Variants in PCDH18 observed in about 807,000 individuals in gnomAD.
PCDH18 encodes protocadherin 18, also known as protocadherin-18.
A neutral mutation model predicts 71.5 loss-of-function variants in PCDH18; 38 were observed. The ratio of observed to expected loss-of-function variants is 0.53; its 90% CI spans 0.41 to 0.70. The LOEUF (loss-of-function observed/expected upper bound fraction) is 0.70, where lower values mean the gene tolerates loss of function less well. Ranked by LOEUF, PCDH18 falls within the 30% of genes least tolerant of loss-of-function variation. The pLI, the probability that PCDH18 is intolerant of heterozygous loss-of-function variation, is 0.00. For missense variants in PCDH18, 1,334 were observed against 1,384.6 expected, an observed-to-expected ratio of 0.96 and a Z score of 0.58; for synonymous variants, 565 against 505.4, an observed-to-expected ratio of 1.12 and a Z score of -1.58.
intron 3 of PCDH18, 72 bp downstream of exon 3, chr4:137,528,406 G>C (rs1731540596): frequency 8.4e-7 from 1 of 1,188,648 alleles, no homozygotes; most frequent in South Asian, 1.4e-5. Context: ...ATATAAGCAT[G>C]AGAGAAATTT....
chr4:137,525,209 C>G (rs1731412343), intron 3 of PCDH18, among the ~76,000 whole-genome samples: 1 of 151,882 alleles, frequency 6.6e-6, no homozygotes, highest in South Asian at 2.1e-4. Context: ...AAACATGAGC[C>G]AACAGACAAA....
In PCDH18 at chr4:137,521,680, C is replaced by T. The variant is rs1731307317; in HGVS notation, c.2757G>A (p.Thr919=). ...GRIPAAMRLC[T]EECRVLGHSD... is the part of the protein sequence containing the mutation. ...AGTGTCCCAGGACCCTGCACTCCTC[C>T]GTGCAGAGTCTCATAGCTGCACTCA... is the stretch of plus-strand genomic sequence containing the variant. The change falls in exon 4 of 4, where the codon ACG becomes ACA. Residue 919 remains threonine (T), a synonymous_variant. Transcript: ENST00000344876. The T allele has an allele frequency of 4.4e-6, 7 of 1,603,100 alleles. No individual in the cohort carries two copies. Among genetic ancestry groups the T allele is most frequent in the Non-Finnish European group, 6.0e-6 (7 of 1,175,428 alleles).
Position 137,530,784 on chromosome 4 carries a change from T to A in PCDH18, c.1305A>T (p.Val435=), listed in dbSNP as rs768433717. Residue 435 remains valine, a synonymous_variant, in exon 1 of 4, where the codon GTA becomes GTT. Coordinates refer to ENST00000344876, the MANE Select transcript of PCDH18 (RefSeq NM_019035.5). ...REKRSEYSLT[V]IAEDRGTPSL... ...TGGGTGTCCCCCTGTCCTCAGCGAT[T>A]ACAGTCAAACTATACTCAGATCTCT... 6.2e-7 allele frequency: 1 copy of A among 1,612,426 alleles called. No individual in the cohort carries two copies. The highest frequency in any genetic ancestry group is 1.1e-5 in the South Asian group (1 of 91,058).
rs760575395 is a variant in PCDH18 at position 137,531,424 on chromosome 4, C to T, written c.665G>A (p.Gly222Glu). The stretch of plus-strand genomic sequence containing the variant: ...GGATGAGCCAGACCTCTGAGGTACT[C>T]CCATGTCTGAGGCAGTGAGCTGAAG... ...YELQLTASDM[G>E]VPQRSGSSIL... is the part of the protein sequence containing the mutation. Residue 222 changes from glycine to glutamate, a missense_variant, in exon 1 of 4, where the codon GGA becomes GAA. Physicochemically the swap from Gly to Glu is moderately conservative, Grantham distance 98. Around this residue, in one of 3 missense-constraint regions of PCDH18, gnomAD observed 1,011 missense variants for 1,048.0 expected, o/e 0.96. Transcript: ENST00000344876. The T allele has an allele frequency of 8.1e-6, 13 of 1,612,940 alleles. No individual in the cohort carries two copies. The South Asian group carries it at 1.1e-4, about 14-fold the overall frequency.
Position 137,531,232 on chromosome 4 carries a change from C to A in PCDH18, c.857G>T (p.Ser286Ile). Residue 286 changes from serine (S) to isoleucine (I), a missense_variant, in exon 1 of 4, where the codon AGC becomes ATC. Ser to Ile is a moderately radical substitution (Grantham distance 142). Around this residue, in one of 3 missense-constraint regions of PCDH18, gnomAD observed 1,011 missense variants for 1,048.0 expected, o/e 0.96. Transcript: ENST00000344876. ...CATAATTTTGGGAGACACATGACTGCTGAAGGAATATACAATTTTCCCATT... is the reference window on the plus strand; with the variant it reads ...CATAATTTTGGGAGACACATGACTGATGAAGGAATATACAATTTTCCCATT... ...GANGKIVYSF[S>I]SHVSPKIMET... 1 of 1,613,308 alleles carries A rather than the reference C, an allele frequency of 6.2e-7. No homozygotes were observed. The highest frequency in any genetic ancestry group is 8.5e-7 in the Non-Finnish European group (1 of 1,179,616).
At chr4:137,524,540 C>T (rs1731391276) in intron 3 of PCDH18, among the ~76,000 whole-genome samples, 1 of 151,998 alleles carries the variant, frequency 6.6e-6, no homozygotes, top group South Asian at 2.1e-4. Context: ...AAAGAGCCAC[C>T]TAAAACAAAC....
In PCDH18 at chr4:137,520,392, T is replaced by A. The variant is rs1731255691; in HGVS notation, c.*637A>T. The A allele has an allele frequency of 6.6e-6, 1 of 152,186 alleles. No individual in the cohort carries two copies. The highest frequency in any genetic ancestry group is 2.4e-5 in the African/African-American group (1 of 41,448). 9.4% of individuals were successfully genotyped at this position (152,186 alleles called of 1,614,324 possible). A position where few individuals can be genotyped will look rare whatever the true frequency, so the allele number is the denominator to read the frequency against. On this transcript the variant is annotated 3_prime_UTR_variant, in exon 4 of 4. Transcript: ENST00000344876. ...TTGACTTTAATTCTGTTTTCATCATTGTCTATAAAAAGTTCATTTGAGATA... is the reference window on the plus strand; with the variant it reads ...TTGACTTTAATTCTGTTTTCATCATAGTCTATAAAAAGTTCATTTGAGATA...
chr4:137,529,840 G>A lies in PCDH18; in HGVS notation c.2249C>T (p.Pro750Leu), dbSNP rs1731602095. Residue 750 changes from proline to leucine, a missense_variant, in exon 1 of 4, where the codon CCA (proline) becomes CTA (leucine). Pro to Leu is a moderately conservative substitution (Grantham distance 98). Coordinates refer to ENST00000344876, the MANE Select transcript of PCDH18 (RefSeq NM_019035.5). ...GTCCCCTTTGTGAATCTGCCGGGATGGCCTTTTTGGGTGGTGCTGGTAAGT... is the reference window on the plus strand; with the variant it reads ...GTCCCCTTTGTGAATCTGCCGGGATAGCCTTTTTGGGTGGTGCTGGTAAGT... ...ESTYQHHPKR[P>L]SRQIHKGDIT... 1 of 1,611,584 alleles carries A rather than the reference G, an allele frequency of 6.2e-7. No individual in the cohort carries two copies. The highest frequency in any genetic ancestry group is 8.5e-7 in the Non-Finnish European group (1 of 1,178,250).
At chr4:137,521,737 A>C (rs1007964823) in intron 3 of PCDH18, 41 bp from the exon 4 acceptor site, 3 of 1,447,630 alleles carry the variant, frequency 2.1e-6, no homozygotes, top group Non-Finnish European at 2.8e-6. Context: ...TATTATACTT[A>C]GCACGATTCA....
In PCDH18 at chr4:137,531,533, C is replaced by T. The variant is rs1731695748; in HGVS notation, c.556G>A (p.Val186Ile). 1 of 1,613,436 alleles carries T rather than the reference C, an allele frequency of 6.2e-7. No individual in the cohort carries two copies. The highest frequency in any genetic ancestry group is 2.2e-5 in the East Asian group (1 of 44,864). Reference sequence around the variant, plus strand: ...TTGGCTCCATCAGTCCTGGTCCGAACCTCGATATTAAAAAAATCATTGGCA... The same window carrying T: ...TTGGCTCCATCAGTCCTGGTCCGAATCTCGATATTAAAAAAATCATTGGCA... ...LSANDFFNIE[V>I]RTRTDGAKYA... Residue 186 changes from valine (V) to isoleucine (I), a missense_variant, in exon 1 of 4, where the codon GTT becomes ATT. By Grantham distance (29) the Val-to-Ile change is conservative. This residue lies in a region of PCDH18 where 1,011 missense variants were observed against 1,048.0 expected (regional missense o/e 0.96). Transcript: ENST00000344876.
chr4:137,529,245 T>G, intron 1 of PCDH18: 1 of 249,450 alleles, frequency 4.0e-6, no homozygotes, highest in Non-Finnish European at 7.6e-6. Flanking sequence ...GGCCTCAGTT[T>G]TTTTATTTGT....
chr4:137,530,376 G>A lies in PCDH18; in HGVS notation c.1713C>T (p.Asp571=), dbSNP rs569025427. 13 of 1,614,074 alleles carry A rather than the reference G, an allele frequency of 8.1e-6. No individual in the cohort carries two copies. The African/African-American group carries it at 1.6e-4, about 20-fold the overall frequency. ...CAGGCCCTATAACCACAGGAACGTT[G>A]TCATTTTCGTCAATGATGGTGAGCA... ...TVVLTIIDEN[D]NVPVVIGPAL... The change falls in exon 1 of 4, where the codon GAC becomes GAT. Residue 571 remains aspartate, a synonymous_variant. Transcript: ENST00000344876.
At chr4:137,522,487 C>T (rs1469628446) in intron 3 of PCDH18, among the ~76,000 whole-genome samples, 1 of 151,874 alleles carries the variant, frequency 6.6e-6, no homozygotes. Context: ...GGAAAAAACC[C>T]CTCTACATTT....
In PCDH18 at chr4:137,531,588, C is replaced by G; in HGVS notation, c.501G>C (p.Gly167=). Residue 167 remains glycine (G), a synonymous_variant, in exon 1 of 4, where the codon GGG becomes GGC. Transcript: ENST00000344876. ...GCGAGTATGTGTGGAGGGAATTTTCCCCAACATCTGGATCAAATGCACTGT... is the reference window on the plus strand; with the variant it reads ...GCGAGTATGTGTGGAGGGAATTTTCGCCAACATCTGGATCAAATGCACTGT... ...PLDSAFDPDV[G]ENSLHTYSLS... is the part of the protein sequence containing the mutation. The G allele has an allele frequency of 3.1e-6, 5 of 1,613,232 alleles. No individual in the cohort carries two copies. The highest frequency in any genetic ancestry group is 4.2e-6 in the Non-Finnish European group (5 of 1,179,558).
At position 137,531,494 on chromosome 4, in the gene PCDH18, T is replaced by A; in HGVS notation, c.595A>T (p.Ile199Leu). The change falls in exon 1 of 4, where the codon ATA (isoleucine) becomes TTA (leucine). Residue 199 changes from isoleucine (I) to leucine (L), a missense_variant. Around this residue, in one of 3 missense-constraint regions of PCDH18, gnomAD observed 1,011 missense variants for 1,048.0 expected, o/e 0.96. Transcript: ENST00000344876. The stretch of plus-strand genomic sequence containing the variant: ...TCCCGATCTAACTCTCTGACCACTA[T>A]GAGTTCTGCATACTTGGCTCCATCA... ...RTDGAKYAEL[I>L]VVRELDRELK... 6.2e-7 allele frequency: 1 copy of A among 1,613,970 alleles called. No individual in the cohort carries two copies. Among genetic ancestry groups the A allele is most frequent in the South Asian group, 1.1e-5 (1 of 91,080 alleles).
chr4:137,521,477 C>A lies in PCDH18; in HGVS notation c.2960G>T (p.Gly987Val), dbSNP rs953545831. ...GEKKKSFSTF[G>V]KDSPNDEDTG... ...GTCCTCATCGTTTGGGGAGTCCTTTCCAAAGGTGGAAAAACTCTTCTTCTT... is the reference window on the plus strand; with the variant it reads ...GTCCTCATCGTTTGGGGAGTCCTTTACAAAGGTGGAAAAACTCTTCTTCTT... The change falls in exon 4 of 4, where the codon GGA becomes GTA. Residue 987 changes from glycine to valine, a missense_variant. This residue lies in a region of PCDH18 where 319 missense variants were observed against 316.3 expected (regional missense o/e 1.01). Coordinates refer to ENST00000344876, the MANE Select transcript of PCDH18 (RefSeq NM_019035.5). 1.2e-6 allele frequency: 2 copies of A among 1,614,160 alleles called. No homozygotes were observed. The highest frequency in any genetic ancestry group is 1.7e-6 in the Non-Finnish European group (2 of 1,180,022).
At chr4:137,528,214 T>G (rs1447570115) in intron 3 of PCDH18, among the ~76,000 whole-genome samples, 1 of 152,160 alleles carries the variant, frequency 6.6e-6, no homozygotes, top group East Asian at 1.9e-4. Context: ...TTTTTGATTT[T>G]TCCCCACCCC....
At position 137,531,625 on chromosome 4, in the gene PCDH18, C is replaced by T. The variant is rs769247036; in HGVS notation, c.464G>A (p.Arg155His). Residue 155 changes from arginine to histidine, a missense_variant, in exon 1 of 4, where the codon CGC becomes CAC. Transcript: ENST00000344876. ...EISESAAVGTRIPLDSAFDPD... is the reference protein window; with the variant it reads ...EISESAAVGTHIPLDSAFDPD... Reference sequence around the variant, plus strand: ...ATCAAATGCACTGTCCAGGGGAATGCGAGTCCCAACTGCTGCACTCTCAGA... The same window carrying T: ...ATCAAATGCACTGTCCAGGGGAATGTGAGTCCCAACTGCTGCACTCTCAGA... The T allele has an allele frequency of 2.5e-6, 4 of 1,613,434 alleles. No individual in the cohort carries two copies. Among genetic ancestry groups the T allele is most frequent in the South Asian group, 2.2e-5 (2 of 91,072 alleles).
At chr4:137,528,694 T>C (rs1309397525) in intron 2 of PCDH18, 38 bp downstream of exon 2, 2 of 1,606,964 alleles carry the variant, frequency 1.2e-6, no homozygotes, top group Non-Finnish European at 1.7e-6. Context: ...TCAGCATTTA[T>C]GTTGAAACTT....
Sources: allele counts gnomAD v4.1 joint callset (sites outside exome capture counted in the v4.1 genomes callset), GRCh38; gene constraint gnomAD v4.1.1; regional missense constraint gnomAD v4.1.1; transcripts MANE v1.5; gene names NCBI Gene and HGNC (gene_info 2026-07-23, HGNC 2026-07-21).